The following DENND5B variants were observed in gnomAD, a reference collection of about 807,000 sequenced individuals.
DENND5B encodes DENN domain containing 5B, also known as DENN domain-containing protein 5B.
DENND5B carries 34 observed loss-of-function variants against 140.6 expected under a neutral mutation model. The observed-to-expected ratio is 0.24, with a 90% CI of 0.18 to 0.32. The LOEUF is 0.32. Among genes scored for constraint, DENND5B ranks in the 10% least tolerant of loss-of-function variants. The pLI is 1.00. For synonymous variants in DENND5B, 551 were observed against 562.1 expected, an observed-to-expected ratio of 0.98 and a Z score of 0.28; for missense variants, 1,142 against 1,560.2, an observed-to-expected ratio of 0.73 and a Z score of 4.52.
chr12:31,476,769 A>C (rs1020366139), intron 3 of DENND5B, among the ~76,000 whole-genome samples: 1 of 152,160 alleles, frequency 6.6e-6, no homozygotes, highest in Non-Finnish European at 1.5e-5. Flanking sequence ...ATTCTGGGCA[A>C]CACAGTGAGA....
At chr12:31,422,647 T>G (rs2137695353) in intron 11 of DENND5B, among the ~76,000 whole-genome samples, 1 of 152,262 alleles carries the variant, frequency 6.6e-6, no homozygotes. Flanking sequence ...TTGAAAAGGT[T>G]CCGAAATGGC....
At chr12:31,537,312 A>C (rs1335259319) in intron 1 of DENND5B, among the ~76,000 whole-genome samples, 6 of 152,210 alleles carry the variant, frequency 3.9e-5, no homozygotes, top group Non-Finnish European at 7.4e-5. Flanking sequence ...AAAAAGTTAG[A>C]AAGCAGGGGG....
intron 1 of DENND5B, among the ~76,000 whole-genome samples, chr12:31,552,443 G>A (rs577021962): frequency 2.6e-5 from 4 of 152,286 alleles, no homozygotes; most frequent in South Asian, 4.1e-4. Context: ...GCTTTTTGAC[G>A]TGCTGCTGGA....
rs183081529 is a variant in DENND5B at position 31,415,243 on chromosome 12, G to A, written c.2552+124C>T. ...TAAGATAAATGAAATCATAAAAAATGCTTTCTTCAGAATACATAAGCCAAA... is the reference window on the plus strand; with the variant it reads ...TAAGATAAATGAAATCATAAAAAATACTTTCTTCAGAATACATAAGCCAAA... On this transcript the variant is annotated intron_variant, in intron 12 of 20. Transcript: ENST00000389082. The A allele has an allele frequency of 1.2e-3, 747 of 616,566 alleles. 2 individuals are homozygous for A. The African/African-American group carries it at 0.013, about 11-fold the overall frequency. 38.2% of individuals were successfully genotyped at this position (616,566 alleles called of 1,614,324 possible).
At chr12:31,420,112 C>A (rs1164128536) in intron 11 of DENND5B, 2 of 948,836 alleles carry the variant, frequency 2.1e-6, no homozygotes, top group South Asian at 4.9e-5. Flanking sequence ...TAAGAACTGG[C>A]TCAACGTTTT....
In DENND5B at chr12:31,495,389, C is replaced by CTTTTTTTTTTTTTTTTTTTT. The variant is rs149645342; in HGVS notation, c.237+420_237+421insAAAAAAAAAAAAAAAAAAAA. ...GAGAGTATCACATTTCTTTTTTTTT[C>CTTTTTTTTTTTTTTTTTTTT]TTTTTTTGAGACAGAGTCTCGCTCT... is the stretch of plus-strand genomic sequence containing the variant. On this transcript the variant is annotated intron_variant, in intron 2 of 20. Coordinates refer to ENST00000389082, the MANE Select transcript of DENND5B (RefSeq NM_144973.4). Among the ~76,000 whole-genome samples the CTTTTTTTTTTTTTTTTTTTT allele has an allele frequency of 7.3e-5, 10 of 136,230 alleles. 1 individual carries two copies. The highest frequency in any genetic ancestry group is 1.4e-4 in the African/African-American group (5 of 36,402). The allele number at this position is 136,230 out of a possible 152,430, so 89.4% of individuals were successfully genotyped here.
At chr12:31,390,235 A>G (rs1593033827) in intron 19 of DENND5B, among the ~76,000 whole-genome samples, 1 of 152,240 alleles carries the variant, frequency 6.6e-6, no homozygotes, top group East Asian at 1.9e-4. Context: ...GATGATGAAA[A>G]TGTTCTCTAT....
At chr12:31,388,416 T>C (rs2089241428) in intron 20 of DENND5B, among the ~76,000 whole-genome samples, 1 of 152,120 alleles carries the variant, frequency 6.6e-6, no homozygotes, top group Admixed American at 6.5e-5. Flanking sequence ...CAGCTAAAAC[T>C]GGGCTCCTTT....
Position 31,386,763 on chromosome 12 carries a change from T to G in DENND5B, c.*840A>C, listed in dbSNP as rs1478425836. The G allele has an allele frequency of 6.6e-6, 1 of 152,196 alleles. No individual in the cohort carries two copies. Among genetic ancestry groups the G allele is most frequent in the Non-Finnish European group, 1.5e-5 (1 of 68,048 alleles). 9.4% of individuals were successfully genotyped at this position (152,196 alleles called of 1,614,324 possible). ...TTAAAAGTACAGAATCAAATTGCTG[T>G]TTGCAGTTCTTATCACTATGAATCT... On this transcript the variant is annotated 3_prime_UTR_variant, in exon 21 of 21. Transcript: ENST00000389082.
chr12:31,546,568 T>C (rs1052514020), intron 1 of DENND5B, among the ~76,000 whole-genome samples: 39 of 152,076 alleles, frequency 2.6e-4, no homozygotes, highest in African/African-American at 8.7e-4. Context: ...GCGCCTGTAA[T>C]CCCAGCTCCT....
intron 5 of DENND5B, among the ~76,000 whole-genome samples, chr12:31,448,252 A>G (rs1196858010): frequency 2.0e-5 from 3 of 151,794 alleles, no homozygotes; most frequent in African/African-American, 4.8e-5. Context: ...CTCCTGCCTC[A>G]GCCTCCTGAG....
intron 1 of DENND5B, among the ~76,000 whole-genome samples, chr12:31,553,618 T>G (rs1181293502): frequency 6.6e-6 from 1 of 151,966 alleles, no homozygotes; most frequent in Non-Finnish European, 1.5e-5. Context: ...TGGGTATCCT[T>G]GTTAACTTTC....
At chr12:31,520,616 C>CT (rs1947839799) in intron 1 of DENND5B, among the ~76,000 whole-genome samples, 1 of 152,156 alleles carries the variant, frequency 6.6e-6, no homozygotes, top group African/African-American at 2.4e-5. Context: ...TCTCAGCTCA[C>CT]TGCAACCTCC....
In DENND5B at chr12:31,485,907, C is replaced by G. The variant is rs556926994; in HGVS notation, c.238-5652G>C. Reference sequence around the variant, plus strand: ...CTATATGCCTGGTCCAGGAGACAGGCCTGTGAGTGGGTGAGCTTTCAGATG... The same window carrying G: ...CTATATGCCTGGTCCAGGAGACAGGGCTGTGAGTGGGTGAGCTTTCAGATG... On this transcript the variant is annotated intron_variant, in intron 2 of 20. Coordinates refer to ENST00000389082, the MANE Select transcript of DENND5B (RefSeq NM_144973.4). Among the ~76,000 whole-genome samples, 83 of 152,272 alleles carry G rather than the reference C, an allele frequency of 5.5e-4. 1 individual carries two copies. Among genetic ancestry groups the G allele is most frequent in the Non-Finnish European group, 7.8e-4 (53 of 68,018 alleles).
intron 1 of DENND5B, chr12:31,541,079 A>G: frequency 2.3e-6 from 1 of 442,718 alleles, no homozygotes; most frequent in Non-Finnish European, 4.5e-6. Context: ...AAAAACTTAA[A>G]TTTAAGACCT....
At chr12:31,562,106 A>T (rs985326077) in intron 1 of DENND5B, among the ~76,000 whole-genome samples, 1 of 152,234 alleles carries the variant, frequency 6.6e-6, no homozygotes, top group Non-Finnish European at 1.5e-5. Context: ...TTTAGAGATG[A>T]TAAACTATTA....
At chr12:31,486,205 A>G (rs888561990) in intron 2 of DENND5B, among the ~76,000 whole-genome samples, 1 of 152,170 alleles carries the variant, frequency 6.6e-6, no homozygotes, top group Non-Finnish European at 1.5e-5. Context: ...TCATGAAAGG[A>G]TTCGTCCTTC....
chr12:31,560,686 T>A (rs181138646), intron 1 of DENND5B, among the ~76,000 whole-genome samples: 121 of 152,312 alleles, frequency 7.9e-4, no homozygotes, highest in African/African-American at 2.4e-3. Context: ...TTCAACAACA[T>A]AAGGCCCTTC....
At chr12:31,488,386 C>T (rs1946393110) in intron 2 of DENND5B, among the ~76,000 whole-genome samples, 1 of 152,124 alleles carries the variant, frequency 6.6e-6, no homozygotes, top group South Asian at 2.1e-4. Flanking sequence ...TCCTAAATCA[C>T]AAAATCATAG....
Sources: allele counts gnomAD v4.1 joint callset (sites outside exome capture counted in the v4.1 genomes callset), GRCh38; gene constraint gnomAD v4.1.1; transcripts MANE v1.5; gene names NCBI Gene and HGNC (gene_info 2026-07-23, HGNC 2026-07-21).